The following PLA2G4D variants were observed in gnomAD, a reference collection of about 807,000 sequenced individuals.
PLA2G4D encodes the protein cytosolic phospholipase A2 delta.
In PLA2G4D, 80 loss-of-function variants were observed where a neutral mutation model predicts 94.4. The observed-to-expected ratio is 0.85, with a 90% CI of 0.71 to 1.02. The LOEUF (loss-of-function observed/expected upper bound fraction) is 1.02. Among genes scored for constraint, PLA2G4D ranks in the 50% least tolerant of loss-of-function variants. The pLI is 0.00. For synonymous variants in PLA2G4D, 438 were observed against 440.9 expected, an observed-to-expected ratio of 0.99 and a Z score of 0.08; for missense variants, 1,050 against 1,034.7, an observed-to-expected ratio of 1.01 and a Z score of -0.20.
rs150625729 is a variant in PLA2G4D at position 42,091,572 on chromosome 15, G to A, written c.45+2843C>T. Among the ~76,000 whole-genome samples, 19 of 137,902 alleles carry A rather than the reference G, an allele frequency of 1.4e-4. No individual in the cohort carries two copies. The East Asian group carries it at 3.0e-3, about 22-fold the overall frequency. 90.5% of individuals were successfully genotyped at this position (137,902 alleles called of 152,430 possible). A position where few individuals can be genotyped will look rare whatever the true frequency, so the allele number is the denominator to read the frequency against. On this transcript the variant is annotated intron_variant, in intron 1 of 19. Coordinates refer to ENST00000290472, the MANE Select transcript of PLA2G4D (RefSeq NM_178034.4). ...AAAAACATCTGCTACTTAGCAGACC[G>A]GGAAAGGGAGTCTCCCTTTCCCCGG... is the stretch of plus-strand genomic sequence containing the variant.
Position 42,083,333 on chromosome 15 carries a change from A to G in PLA2G4D, c.537T>C (p.Asp179=). ...DSTGSTAVVA[D]QDKLELELVL... is the part of the protein sequence containing the mutation. ...CCAGCTCCAGCTCCAGCTTGTCCTG[A>G]TCTAGGGAGAGAGTAGGCGGGTTAG... Residue 179 remains aspartate, a splice_region_variant and synonymous_variant, in exon 8 of 20, where the codon GAT becomes GAC. Transcript: ENST00000290472. 1.2e-6 allele frequency: 2 copies of G among 1,612,396 alleles called. No homozygotes were observed. Among genetic ancestry groups the G allele is most frequent in the Non-Finnish European group, 1.7e-6 (2 of 1,179,424 alleles).
chr15:42,071,678 T>C lies in PLA2G4D; in HGVS notation c.1573+96A>G, dbSNP rs1025587710. On this transcript the variant is annotated intron_variant, in intron 15 of 19. Coordinates refer to ENST00000290472, the MANE Select transcript of PLA2G4D (RefSeq NM_178034.4). ...CATCCCCCCCGCCACCCCTCCCCCT[T>C]GTCCTGAGGTTCTGCCCCACCTGAG... 1.4e-5 allele frequency: 17 copies of C among 1,195,104 alleles called. No homozygotes were observed. The South Asian group carries it at 1.8e-4, about 13-fold the overall frequency. The allele number at this position is 1,195,104 out of a possible 1,614,324, so 74.0% of individuals were successfully genotyped here.
At chr15:42,087,593 C>G (rs780692975) in intron 2 of PLA2G4D, 35 bp downstream of exon 2, 3 of 1,613,318 alleles carry the variant, frequency 1.9e-6, no homozygotes, top group Non-Finnish European at 2.5e-6. Flanking sequence ...CTGGTCCTCC[C>G]TGCTCCCGAC....
rs1890109778 is a variant in PLA2G4D, at chr15:42,084,846, C to A, written c.471+250G>T. Among the ~76,000 whole-genome samples the A allele has an allele frequency of 6.6e-6, 1 of 152,192 alleles. No individual in the cohort carries two copies. The highest frequency in any genetic ancestry group is 2.1e-4 in the South Asian group (1 of 4,832). ...GGTGACTAAACACCTTCCGGAAGCA[C>A]CCCGAACAGCCGTGGGCCAGAACCT... On this transcript the variant is annotated intron_variant, in intron 6 of 19. Coordinates refer to ENST00000290472, the MANE Select transcript of PLA2G4D (RefSeq NM_178034.4). The surrounding 1 kb of genome is among the most constrained non-coding windows in gnomAD (Gnocchi z 4.8).
chr15:42,079,260 G>A (rs796440412), intron 13 of PLA2G4D, among the ~76,000 whole-genome samples: 7 of 152,348 alleles, frequency 4.6e-5, no homozygotes, highest in African/African-American at 1.7e-4. Flanking sequence ...AACGGTTCTA[G>A]CAATCTTACC....
In PLA2G4D at chr15:42,086,194, T is replaced by TTGGGGGGGGCGCC; in HGVS notation, c.387+18_387+19insGGCGCCCCCCCCA. 4 of 1,370,438 alleles carry TTGGGGGGGGCGCC rather than the reference T, an allele frequency of 2.9e-6. No homozygotes were observed. Among genetic ancestry groups the TTGGGGGGGGCGCC allele is most frequent in the Non-Finnish European group, 3.8e-6 (4 of 1,043,078 alleles). The allele number at this position is 1,370,438 out of a possible 1,614,324, so 84.9% of individuals were successfully genotyped here. A position where few individuals can be genotyped will look rare whatever the true frequency, so the allele number is the denominator to read the frequency against. On this transcript the variant is annotated intron_variant, in intron 4 of 19. Coordinates refer to ENST00000290472, the MANE Select transcript of PLA2G4D (RefSeq NM_178034.4). ...GGAAGAAGTGGGGCCCACGGGGACT[T>TTGGGGGGGGCGCC]CCCCACCCACCCACCCACCTGGGGA...
intron 6 of PLA2G4D, 37 bp from the exon 7 acceptor site, chr15:42,083,816 G>T (rs1200290984): frequency 1.9e-6 from 3 of 1,606,862 alleles, no homozygotes; most frequent in African/African-American, 2.7e-5. Flanking sequence ...GGCCTCTGCA[G>T]GGTAAGCTGA....
At position 42,081,243 on chromosome 15, in the gene PLA2G4D, G is replaced by A. The variant is rs969367557; in HGVS notation, c.958-110C>T. On this transcript the variant is annotated intron_variant, in intron 11 of 19. Transcript: ENST00000290472. Reference sequence around the variant, plus strand: ...TCTCCAGGGAAGGGACCGCATAGTTGGGTCCTGATAGAGTCAGGGTTAGAG... The same window carrying A: ...TCTCCAGGGAAGGGACCGCATAGTTAGGTCCTGATAGAGTCAGGGTTAGAG... The A allele has an allele frequency of 8.7e-6, 13 of 1,498,406 alleles. No homozygotes were observed. In the African/African-American group the frequency reaches 1.8e-4, roughly 21 times the overall value. The allele number at this position is 1,498,406 out of a possible 1,614,324, so 92.8% of individuals were successfully genotyped here.
At chr15:42,085,271 T>C in intron 5 of PLA2G4D, 133 bp from the exon 6 acceptor site, 1 of 1,133,450 alleles carries the variant, frequency 8.8e-7, no homozygotes, top group Non-Finnish European at 1.3e-6. Flanking sequence ...GGGGAGATGC[T>C]TTGCAGGAGG....
chr15:42,077,612 G>T (rs540524603), intron 13 of PLA2G4D, among the ~76,000 whole-genome samples: 1 of 152,346 alleles, frequency 6.6e-6, no homozygotes, highest in Admixed American at 6.5e-5. Flanking sequence ...AGTAAAGTTT[G>T]TGTCTTTTAG....
intron 14 of PLA2G4D, 77 bp downstream of exon 14, chr15:42,072,198 T>C: frequency 1.5e-6 from 2 of 1,321,054 alleles, no homozygotes; most frequent in African/African-American, 1.4e-5. Context: ...GCTTCCAGCA[T>C]GAATTCTCTG....
intron 13 of PLA2G4D, among the ~76,000 whole-genome samples, chr15:42,074,939 G>T (rs905075165): frequency 7.2e-5 from 11 of 152,136 alleles, no homozygotes; most frequent in African/African-American, 2.7e-4. Flanking sequence ...AGGTGCTTTT[G>T]TTGAGACAGA....
At chr15:42,092,036 G>A (rs1418687434) in intron 1 of PLA2G4D, among the ~76,000 whole-genome samples, 8 of 152,124 alleles carry the variant, frequency 5.3e-5, no homozygotes, top group Admixed American at 5.2e-4. Flanking sequence ...TGGTGGCAGT[G>A]GTCCCCCGGG....
Position 42,079,681 on chromosome 15 carries a change from G to A in PLA2G4D, c.1173C>T (p.His391=), listed in dbSNP as rs1889999675. 1 of 1,612,884 alleles carries A rather than the reference G, an allele frequency of 6.2e-7. No homozygotes were observed. Among genetic ancestry groups the A allele is most frequent in the Non-Finnish European group, 8.5e-7 (1 of 1,179,550 alleles). ...AGACCTCCAGCTTGCTCTTGGCCAG[G>A]TGCTCCCGGGCGTATCTGATAGGTC... ...LEGPIRYARE[H]LAKSKLEVFS... Residue 391 remains histidine (H), a synonymous_variant, in exon 13 of 20, where the codon CAC becomes CAT. Coordinates refer to ENST00000290472, the MANE Select transcript of PLA2G4D (RefSeq NM_178034.4).
chr15:42,069,625 C>T (rs1889759764), intron 19 of PLA2G4D, among the ~76,000 whole-genome samples: 1 of 151,920 alleles, frequency 6.6e-6, no homozygotes, highest in African/African-American at 2.4e-5. Context: ...GCAGAGGAGC[C>T]CTGGGCAGCT....
intron 1 of PLA2G4D, among the ~76,000 whole-genome samples, chr15:42,092,490 G>A (rs1010561483): frequency 3.3e-5 from 5 of 152,158 alleles, no homozygotes; most frequent in Non-Finnish European, 5.9e-5. Flanking sequence ...TATGATTACT[G>A]AGATAACCGA....
intron 12 of PLA2G4D, among the ~76,000 whole-genome samples, chr15:42,080,044 CA>C (rs1890007826): frequency 1.3e-5 from 2 of 152,200 alleles, no homozygotes; most frequent in Admixed American, 1.3e-4. Context: ...TCGCTATATT[CA>C]AAAATATCAT....
intron 5 of PLA2G4D, 93 bp downstream of exon 5, chr15:42,085,398 C>T: frequency 2.1e-6 from 3 of 1,429,196 alleles, no homozygotes; most frequent in Non-Finnish European, 3.0e-6. Context: ...GAGGGACAGT[C>T]AGGCTGGACT....
At chr15:42,083,365 A>T in intron 7 of PLA2G4D, 31 bp from the exon 8 acceptor site, 1 of 1,596,886 alleles carries the variant, frequency 6.3e-7, no homozygotes, top group Non-Finnish European at 8.5e-7. Context: ...TTAGCATGAG[A>T]ACAAGAGCCC....
Sources: gnomAD v4.1 joint callset for allele counts (sites outside exome capture counted in the v4.1 genomes callset) on GRCh38, gnomAD v4.1.1 for gene constraint, Gnocchi (gnomAD v3.1) non-coding constraint, MANE v1.5 for transcripts, NCBI Gene and HGNC (gene_info 2026-07-23, HGNC 2026-07-21) for gene names.